Variants in GOLM2 observed in about 807,000 individuals in gnomAD.
GOLM2 encodes the protein protein GOLM2.
In GOLM2, 26 loss-of-function variants were observed where a neutral mutation model predicts 55.9. The ratio of observed to expected loss-of-function variants is 0.47; its 90% CI spans 0.34 to 0.65. The LOEUF (loss-of-function observed/expected upper bound fraction) is 0.65, where lower values mean the gene tolerates loss of function less well. GOLM2 is among the 30% of genes least tolerant of loss of function. The pLI, the probability that GOLM2 is intolerant of heterozygous loss-of-function variation, is 0.01. For missense variants in GOLM2, 486 were observed against 531.8 expected, an observed-to-expected ratio of 0.91 and a Z score of 0.85; for synonymous variants, 165 against 194.6, an observed-to-expected ratio of 0.85 and a Z score of 1.27.
chr15:44,374,969 A>G (rs1458968925), intron 6 of GOLM2, among the ~76,000 whole-genome samples: 2 of 152,160 alleles, frequency 1.3e-5, no homozygotes, highest in Non-Finnish European at 2.9e-5. Flanking sequence ...CTGGTCTTCA[A>G]TGAAGAGGAC....
intron 1 of GOLM2, chr15:44,308,316 A>G (rs2078852330): frequency 6.6e-6 from 1 of 152,072 alleles, no homozygotes; most frequent in African/African-American, 2.4e-5. Flanking sequence ...ATTATACAAT[A>G]TTTGTCCTTT....
chr15:44,380,759 GATTAA>G (rs2079395964), intron 7 of GOLM2, 42 bp from the exon 8 acceptor site: 4 of 1,261,866 alleles, frequency 3.2e-6, no homozygotes, highest in East Asian at 3.2e-5. Flanking sequence ...ATCTTTAAAA[GATTAA>G]ATTAAATTAT....
At chr15:44,298,098 T>C (rs533784821) in intron 1 of GOLM2, among the ~76,000 whole-genome samples, 1 of 151,720 alleles carries the variant, frequency 6.6e-6, no homozygotes, top group South Asian at 2.1e-4. Context: ...CTCGAACTCC[T>C]GACCTTGTGA....
At chr15:44,389,055 G>A (rs2079469599) in intron 8 of GOLM2, among the ~76,000 whole-genome samples, 1 of 151,916 alleles carries the variant, frequency 6.6e-6, no homozygotes, top group South Asian at 2.1e-4. Context: ...CTGACCTCGT[G>A]ATCTGCCTGC....
intron 6 of GOLM2, among the ~76,000 whole-genome samples, chr15:44,374,236 A>G (rs1021851688): frequency 4.6e-5 from 7 of 152,076 alleles, no homozygotes; most frequent in African/African-American, 1.7e-4. Flanking sequence ...GGTGGCCTGT[A>G]TTTTCTCTTT....
At chr15:44,356,004 G>A (rs1236186995) in intron 6 of GOLM2, among the ~76,000 whole-genome samples, 4 of 152,050 alleles carry the variant, frequency 2.6e-5, no homozygotes, top group African/African-American at 9.7e-5. Flanking sequence ...AGAAATCTCA[G>A]GAGAAATTTA....
chr15:44,366,903 G>T (rs770381738), intron 6 of GOLM2, among the ~76,000 whole-genome samples: 2 of 152,070 alleles, frequency 1.3e-5, no homozygotes, highest in Non-Finnish European at 2.9e-5. Context: ...AAGCATTGTG[G>T]TTAATAATTT....
intron 4 of GOLM2, among the ~76,000 whole-genome samples, chr15:44,337,227 C>G (rs2079063452): frequency 6.6e-6 from 1 of 151,790 alleles, no homozygotes; most frequent in African/African-American, 2.4e-5. Flanking sequence ...AGGTTAGGAA[C>G]AGGTTAGAGG....
rs146201753 is a variant in GOLM2, at chr15:44,327,331, G to T, written c.383-1354G>T. Among the ~76,000 whole-genome samples the T allele has an allele frequency of 6.3e-3, 945 of 151,188 alleles. 10 individuals carry two copies. Among genetic ancestry groups the T allele is most frequent in the African/African-American group, 0.021 (873 of 41,340 alleles). On this transcript the variant is annotated intron_variant, in intron 2 of 9. Transcript: ENST00000299957. ...GCACTTTGGGAGATTTAGGCAGAAG[G>T]ATCGCTTGAGCTCAGGAGTTCGAGA... is the stretch of plus-strand genomic sequence containing the variant.
rs777238187 is a variant in GOLM2, at chr15:44,337,838, C to A, written c.652C>A (p.Pro218Thr). 1.9e-5 allele frequency: 30 copies of A among 1,603,304 alleles called. No homozygotes were observed. In the Admixed American group the frequency reaches 4.9e-4, roughly 26 times the overall value. ...CAATCAAGTAGTACCTAAAAATATT[C>A]CAAAAGTAGCTGAGAATGTTGCAGA... ...INNQVVPKNI[P>T]KVAENVADKN... is the part of the protein sequence containing the mutation. Residue 218 changes from proline (P) to threonine (T), a missense_variant, in exon 5 of 10, where the codon CCA becomes ACA. Coordinates refer to ENST00000299957, the MANE Select transcript of GOLM2 (RefSeq NM_138423.4).
intron 6 of GOLM2, among the ~76,000 whole-genome samples, chr15:44,350,577 A>G (rs2079154669): frequency 6.6e-6 from 1 of 152,198 alleles, no homozygotes; most frequent in Non-Finnish European, 1.5e-5. Flanking sequence ...TATTGAGACT[A>G]TTCTGAAAAA....
intron 1 of GOLM2, among the ~76,000 whole-genome samples, chr15:44,300,273 GGAA>G (rs893495209): frequency 6.6e-5 from 10 of 151,042 alleles, no homozygotes; most frequent in African/African-American, 2.4e-4. Flanking sequence ...GAGGAAGGAA[GGAA>G]GAAGTTTAGT....
intron 1 of GOLM2, among the ~76,000 whole-genome samples, chr15:44,291,049 C>CGCCTCA (rs1199560628): frequency 1.3e-5 from 2 of 151,076 alleles, no homozygotes; most frequent in African/African-American, 2.4e-5. Context: ...GTGATCCGCC[C>CGCCTCA]GCCTCAGCCT....
At chr15:44,374,744 A>G (rs1377287981) in intron 6 of GOLM2, among the ~76,000 whole-genome samples, 2 of 152,152 alleles carry the variant, frequency 1.3e-5, no homozygotes, top group East Asian at 1.9e-4. Context: ...CTATCACGAG[A>G]CAGCACTATG....
At chr15:44,338,137 T>A in intron 5 of GOLM2, 100 bp from the exon 6 acceptor site, 1 of 1,135,970 alleles carries the variant, frequency 8.8e-7, no homozygotes, top group Non-Finnish European at 1.3e-6. Flanking sequence ...TCAGTTGATG[T>A]AGCCTATTAC....
intron 8 of GOLM2, among the ~76,000 whole-genome samples, chr15:44,397,478 CAA>C (rs1007948393): frequency 3.4e-4 from 11 of 32,550 alleles, no homozygotes; most frequent in Non-Finnish European, 5.6e-4. Flanking sequence ...GACTCCGTCT[CAA>C]AAAAAAAAAA....
chr15:44,324,175 C>T (rs933300264), intron 2 of GOLM2, among the ~76,000 whole-genome samples: 5 of 152,100 alleles, frequency 3.3e-5, no homozygotes, highest in Non-Finnish European at 5.9e-5. Flanking sequence ...ACTATTAGGG[C>T]TTATTAAAGC....
chr15:44,353,655 T>C (rs940006456), intron 6 of GOLM2, among the ~76,000 whole-genome samples: 1 of 152,142 alleles, frequency 6.6e-6, no homozygotes, highest in Admixed American at 6.6e-5. Flanking sequence ...GGTCATTATG[T>C]TAGGTGAAAT....
At chr15:44,358,273 G>A (rs1443853777) in intron 6 of GOLM2, among the ~76,000 whole-genome samples, 1 of 152,214 alleles carries the variant, frequency 6.6e-6, no homozygotes, top group Non-Finnish European at 1.5e-5. Context: ...AGAGTCACTT[G>A]AACCCAGGAG....
Sources: allele counts gnomAD v4.1 joint callset (sites outside exome capture counted in the v4.1 genomes callset), GRCh38; gene constraint gnomAD v4.1.1; transcripts MANE v1.5; gene names NCBI Gene and HGNC (gene_info 2026-07-23, HGNC 2026-07-21).